CCDC42: variants seen among roughly 807,000 people sequenced by gnomAD.
CCDC42 encodes coiled-coil domain containing 42, also known as coiled-coil domain-containing protein 42.
CCDC42 carries 38 observed loss-of-function variants against 40.8 expected under a neutral mutation model. The observed-to-expected ratio is 0.93, with a 90% CI of 0.72 to 1.22. The LOEUF (loss-of-function observed/expected upper bound fraction) is 1.22. CCDC42 is among the 50% of genes most tolerant of loss of function. The probability of loss-of-function intolerance (pLI) is 0.00; values close to 1 mark genes in which losing one functional copy is unlikely to be tolerated. For missense variants in CCDC42, 379 were observed against 416.5 expected (o/e 0.91, Z 0.78); for synonymous variants, 135 against 157.5 (o/e 0.86, Z 1.07).
chr17:8,741,305 G>A (rs948616204), intron 4 of CCDC42, among the ~76,000 whole-genome samples, 169 bp downstream of exon 4: 1 of 152,230 alleles, frequency 6.6e-6, no homozygotes, highest in Admixed American at 6.5e-5. Context: ...CCAGGGCTGG[G>A]TGCATCTCCT....
chr17:8,740,772 G>C (rs2086638294), intron 4 of CCDC42, among the ~76,000 whole-genome samples: 1 of 152,136 alleles, frequency 6.6e-6, no homozygotes, highest in Admixed American at 6.5e-5. Flanking sequence ...TGGCACTGTG[G>C]GGCCCACTGA....
intron 6 of CCDC42, among the ~76,000 whole-genome samples, chr17:8,734,151 C>T (rs1449064978): frequency 6.6e-6 from 1 of 152,104 alleles, no homozygotes; most frequent in Non-Finnish European, 1.5e-5. Context: ...AGTTTTGAAA[C>T]TTTTTTCCAT....
intron 6 of CCDC42, among the ~76,000 whole-genome samples, chr17:8,734,312 C>T (rs1280709340): frequency 2.0e-5 from 3 of 152,170 alleles, no homozygotes; most frequent in Non-Finnish European, 4.4e-5. Context: ...CCTCAATAAA[C>T]TCTAGGAGTG....
intron 1 of CCDC42, 58 bp from the exon 2 acceptor site, chr17:8,744,242 TG>T (rs2086664003): frequency 3.0e-6 from 4 of 1,343,360 alleles, no homozygotes; most frequent in Non-Finnish European, 4.2e-6. Flanking sequence ...AGGCTGGGGC[TG>T]GGAGTAACCC....
intron 6 of CCDC42, among the ~76,000 whole-genome samples, chr17:8,732,280 C>CA (rs1168145545): frequency 2.8e-5 from 3 of 108,034 alleles, no homozygotes; most frequent in African/African-American, 1.1e-4. Context: ...GCCTGGGCGA[C>CA]AGAGTGAGAC....
chr17:8,738,097 A>T (rs2152143489), intron 4 of CCDC42, among the ~76,000 whole-genome samples: 2 of 152,296 alleles, frequency 1.3e-5, no homozygotes, highest in East Asian at 3.9e-4. Flanking sequence ...AAGCACTGAG[A>T]TTACAGGCAT....
rs765774215 is a variant in CCDC42, at chr17:8,741,680, C to T, written c.295-9G>A. Reference sequence around the variant, plus strand: ...CGTTTCTGGTCGTTCTCCTGGGGCCCGGGGAGGTGGCGCTGGTCAGGAAGC... The same window carrying T: ...CGTTTCTGGTCGTTCTCCTGGGGCCTGGGGAGGTGGCGCTGGTCAGGAAGC... On this transcript the variant is annotated splice_polypyrimidine_tract_variant and intron_variant, in intron 3 of 6. Coordinates refer to ENST00000293845, the MANE Select transcript of CCDC42 (RefSeq NM_144681.3). 1.7e-5 allele frequency: 27 copies of T among 1,610,730 alleles called. No individual in the cohort carries two copies. Among genetic ancestry groups the T allele is most frequent in the East Asian group, 4.5e-5 (2 of 44,798 alleles).
At chr17:8,733,126 C>T (rs981383264) in intron 6 of CCDC42, among the ~76,000 whole-genome samples, 4 of 152,138 alleles carry the variant, frequency 2.6e-5, no homozygotes, top group African/African-American at 7.2e-5. Flanking sequence ...ATAAGAGCTA[C>T]AGGTGGCTTT....
Position 8,730,199 on chromosome 17 carries a change from T to C in CCDC42, c.882A>G (p.Gln294=). The C allele has an allele frequency of 6.2e-7, 1 of 1,613,598 alleles. No individual in the cohort carries two copies. The highest frequency in any genetic ancestry group is 8.5e-7 in the Non-Finnish European group (1 of 1,179,732). ...AGATGTCCGACCGGTCTTGGATAAA[T>C]TGCTGGATCTAGAAAGGCAAGGAGC... ...DTHKQLDMIQ[Q]FIQDRSDIWA... Residue 294 remains glutamine (Q), a synonymous_variant, in exon 7 of 7, where the codon CAA becomes CAG. Coordinates refer to ENST00000293845, the MANE Select transcript of CCDC42 (RefSeq NM_144681.3).
At chr17:8,740,580 G>T (rs573371437) in intron 4 of CCDC42, among the ~76,000 whole-genome samples, 23 of 152,016 alleles carry the variant, frequency 1.5e-4, no homozygotes, top group South Asian at 6.2e-4. Context: ...CGCCCCCGCC[G>T]GAGGAGCCTG....
At chr17:8,744,028 GCCCAC>G in intron 2 of CCDC42, 46 bp downstream of exon 2, 1 of 1,220,584 alleles carries the variant, frequency 8.2e-7, no homozygotes, top group Non-Finnish European at 1.2e-6. Context: ...CAGAGCCCCA[GCCCAC>G]CCCCTTCCTT....
At chr17:8,744,323 G>T in intron 1 of CCDC42, 139 bp from the exon 2 acceptor site, 1 of 735,478 alleles carries the variant, frequency 1.4e-6, no homozygotes, top group Non-Finnish European at 2.3e-6. Flanking sequence ...CTGTTGTGTT[G>T]AGAAGCATAG....
In CCDC42 at chr17:8,735,665, C is replaced by A. The variant is rs1191972076; in HGVS notation, c.493-54G>T. ...AGCCAGCCCCTGGGGCCTGAGGGAG[C>A]CACCCAGTCCTGCCAACCTCCAGCC... On this transcript the variant is annotated intron_variant, in intron 4 of 6. Transcript: ENST00000293845. The surrounding 1 kb of genome is among the most constrained non-coding windows in gnomAD (Gnocchi z 4.7). 1.4e-6 allele frequency: 2 copies of A among 1,475,422 alleles called. No homozygotes were observed. Among genetic ancestry groups the A allele is most frequent in the East Asian group, 2.3e-5 (1 of 42,712 alleles). 91.4% of individuals were successfully genotyped at this position (1,475,422 alleles called of 1,614,324 possible).
At chr17:8,742,506 C>T (rs1468840412) in intron 3 of CCDC42, among the ~76,000 whole-genome samples, 1 of 152,250 alleles carries the variant, frequency 6.6e-6, no homozygotes, top group South Asian at 2.1e-4. Flanking sequence ...GCAGAGCCCT[C>T]CCCTAAGATT....
Position 8,744,119 on chromosome 17 carries a change from T to C in CCDC42, c.149A>G (p.Glu50Gly), listed in dbSNP as rs1236758818. ...PSIWLLEKKK[E>G]TEIMHQTMVQ... is the part of the protein sequence containing the mutation. Reference sequence around the variant, plus strand: ...CATAGTTTGATGCATGATTTCTGTCTCCTTTTTCTTCTCCAGTAGCCAGAT... The same window carrying C: ...CATAGTTTGATGCATGATTTCTGTCCCCTTTTTCTTCTCCAGTAGCCAGAT... The change falls in exon 2 of 7, where the codon GAG (glutamate) becomes GGG (glycine). Residue 50 changes from glutamate (E) to glycine (G), a missense_variant. Physicochemically the swap from Glu to Gly is moderately conservative, Grantham distance 98. Coordinates refer to ENST00000293845, the MANE Select transcript of CCDC42 (RefSeq NM_144681.3). 2.5e-6 allele frequency: 4 copies of C among 1,613,866 alleles called. No individual in the cohort carries two copies. Among genetic ancestry groups the C allele is most frequent in the African/African-American group, 1.3e-5 (1 of 74,876 alleles).
chr17:8,732,947 C>G (rs9906231), intron 6 of CCDC42, among the ~76,000 whole-genome samples: 73,619 of 151,984 alleles, frequency 0.48, 17,935 homozygotes, highest in African/African-American at 0.49. Context: ...TCCTTGTTCT[C>G]TATAAGCAGC....
At position 8,730,121 on chromosome 17, in the gene CCDC42, G is replaced by T. The variant is rs531785716; in HGVS notation, c.*9C>A. The T allele has an allele frequency of 6.2e-7, 1 of 1,612,664 alleles. No homozygotes were observed. Among genetic ancestry groups the T allele is most frequent in the Non-Finnish European group, 8.5e-7 (1 of 1,178,834 alleles). ...CTGTCTCAGGACATTCTGGAACAAG[G>T]CTGCCTCCTTAAATCCGGACTCGCT... On this transcript the variant is annotated 3_prime_UTR_variant, in exon 7 of 7. Coordinates refer to ENST00000293845, the MANE Select transcript of CCDC42 (RefSeq NM_144681.3).
At chr17:8,732,304 A>G (rs1263041818) in intron 6 of CCDC42, among the ~76,000 whole-genome samples, 1 of 147,530 alleles carries the variant, frequency 6.8e-6, no homozygotes, top group Admixed American at 6.7e-5. Context: ...GTCTCAAAAA[A>G]AAAAAAAAAA....
Position 8,735,340 on chromosome 17 carries a change from C to T in CCDC42, c.714+50G>A, listed in dbSNP as rs767905662. ...ATGTGTGTGTGTGTATGCTCAGGGC[C>T]CGCACTCACCCAGTGCCTGGGAGCC... On this transcript the variant is annotated intron_variant, in intron 5 of 6. Coordinates refer to ENST00000293845, the MANE Select transcript of CCDC42 (RefSeq NM_144681.3). This position sits in a 1 kb window ranked among gnomAD's most constrained non-coding sequence, Gnocchi z 4.7. 1 of 1,610,378 alleles carries T rather than the reference C, an allele frequency of 6.2e-7. No individual in the cohort carries two copies. The highest frequency in any genetic ancestry group is 8.5e-7 in the Non-Finnish European group (1 of 1,177,466).
Sources: gnomAD v4.1 joint callset for allele counts (sites outside exome capture counted in the v4.1 genomes callset) on GRCh38, gnomAD v4.1.1 for gene constraint, Gnocchi (gnomAD v3.1) non-coding constraint, MANE v1.5 for transcripts, NCBI Gene and HGNC (gene_info 2026-07-23, HGNC 2026-07-21) for gene names.